The following ZBBX variants were observed in gnomAD, a reference collection of about 807,000 sequenced individuals.
The protein encoded by ZBBX is zinc finger B-box domain containing.
In ZBBX, 101 loss-of-function variants were observed where a neutral mutation model predicts 108.5. That is an observed-to-expected ratio of 0.93 (90% CI 0.79 to 1.10). The LOEUF (loss-of-function observed/expected upper bound fraction) is 1.10. Among genes scored for constraint, ZBBX ranks in the 50% least tolerant of loss-of-function variants. ZBBX has a pLI of 0.00. For missense variants in ZBBX, 1,009 were observed against 941.4 expected (o/e 1.07, Z -0.94); for synonymous variants, 356 against 323.4 (o/e 1.10, Z -1.08).
intron 1 of ZBBX, among the ~76,000 whole-genome samples, chr3:167,406,987 G>A (rs1467437999): frequency 5.3e-5 from 8 of 152,158 alleles, no homozygotes; most frequent in Non-Finnish European, 1.2e-4. Flanking sequence ...TAAGAACCAG[G>A]AGAACAGTCT....
intron 17 of ZBBX, among the ~76,000 whole-genome samples, 190 bp downstream of exon 17, chr3:167,305,453 A>G (rs1198902311): frequency 6.6e-6 from 1 of 152,052 alleles, no homozygotes; most frequent in Non-Finnish European, 1.5e-5. Flanking sequence ...CATTCCTCAT[A>G]TTAGAATTTG....
At chr3:167,383,248 C>G (rs1359091205), upstream of ZBBX, among the ~76,000 whole-genome samples, 1 of 152,002 alleles carries the variant, frequency 6.6e-6, no homozygotes, top group Non-Finnish European at 1.5e-5. Flanking sequence ...TTCAAGGTAG[C>G]AAAACCAAAT....
the ZBBX span, among the ~76,000 whole-genome samples, chr3:167,232,286 G>A: frequency 6.6e-6 from 1 of 151,796 alleles, no homozygotes; most frequent in Non-Finnish European, 1.5e-5. Flanking sequence ...GGAGAGCGAT[G>A]CTGTCAAAGA....
chr3:167,199,383 C>T, the ZBBX span, among the ~76,000 whole-genome samples: 1 of 152,094 alleles, frequency 6.6e-6, no homozygotes, highest in Non-Finnish European at 1.5e-5. Flanking sequence ...GACTCTCAGG[C>T]AAGTAATCAT....
chr3:167,233,970 TC>T, the ZBBX span, among the ~76,000 whole-genome samples: 1 of 151,760 alleles, frequency 6.6e-6, no homozygotes, highest in African/African-American at 2.4e-5. Flanking sequence ...TTATAAAGAA[TC>T]CCTTTATATA....
the ZBBX span, among the ~76,000 whole-genome samples, chr3:167,204,729 T>A: frequency 6.6e-6 from 1 of 151,926 alleles, no homozygotes; most frequent in Non-Finnish European, 1.5e-5. Context: ...TATAGCAGCA[T>A]GATTTATACT....
chr3:167,219,835 G>A, the ZBBX span, among the ~76,000 whole-genome samples: 2 of 151,722 alleles, frequency 1.3e-5, no homozygotes, highest in East Asian at 3.9e-4. Flanking sequence ...TTTATTAAAA[G>A]GTAAACAAAA....
intron 20 of ZBBX, among the ~76,000 whole-genome samples, chr3:167,243,512 C>A (rs1721040483): frequency 6.6e-6 from 1 of 152,000 alleles, no homozygotes; most frequent in Admixed American, 6.6e-5. Flanking sequence ...GATTCTCTTG[C>A]CTCAGCCTCC....
intron 9 of ZBBX, among the ~76,000 whole-genome samples, chr3:167,345,542 T>C (rs1741293663): frequency 6.6e-6 from 1 of 151,878 alleles, no homozygotes; most frequent in African/African-American, 2.4e-5. Flanking sequence ...GACTCTAAAA[T>C]CATGTGACTT....
At chr3:167,262,983 A>ATTTCT (rs1407342914) in intron 20 of ZBBX, among the ~76,000 whole-genome samples, 1 of 135,098 alleles carries the variant, frequency 7.4e-6, no homozygotes, top group Admixed American at 7.3e-5. Context: ...GATCATTAGT[A>ATTTCT]TTTCTTTTCT....
At chr3:167,299,474 C>T (rs1177945564) in intron 17 of ZBBX, among the ~76,000 whole-genome samples, 2 of 151,978 alleles carry the variant, frequency 1.3e-5, no homozygotes, top group African/African-American at 4.8e-5. Context: ...ATTATGCAAT[C>T]GCAAATCTGG....
intron 8 of ZBBX, among the ~76,000 whole-genome samples, chr3:167,350,969 CA>C (rs1164705339): frequency 2.6e-5 from 4 of 151,948 alleles, no homozygotes; most frequent in Admixed American, 2.6e-4. Flanking sequence ...TAATTAGTTT[CA>C]AGTGATATGC....
intron 8 of ZBBX, among the ~76,000 whole-genome samples, chr3:167,359,463 A>G (rs1159916560): frequency 2.0e-5 from 3 of 152,174 alleles, no homozygotes; most frequent in Admixed American, 6.6e-5. Flanking sequence ...ATAGAATATG[A>G]TGACAGCAAG....
chr3:167,190,548 T>C, the ZBBX span, among the ~76,000 whole-genome samples: 1 of 151,972 alleles, frequency 6.6e-6, no homozygotes, highest in Admixed American at 6.6e-5. Flanking sequence ...GCCCGGCTAA[T>C]TTTTTGTATT....
chr3:167,377,186 C>T (rs1747094346), intron 2 of ZBBX, among the ~76,000 whole-genome samples: 1 of 152,082 alleles, frequency 6.6e-6, no homozygotes, highest in Admixed American at 6.6e-5. Context: ...TTTGATGATC[C>T]TTCTACACAT....
intron 11 of ZBBX, among the ~76,000 whole-genome samples, chr3:167,325,545 C>T (rs1737219869): frequency 6.6e-6 from 1 of 152,144 alleles, no homozygotes; most frequent in Admixed American, 6.6e-5. Flanking sequence ...GATGGGGACA[C>T]AGCCAAACCA....
intron 19 of ZBBX, among the ~76,000 whole-genome samples, chr3:167,287,865 T>C (rs1286183875): frequency 6.6e-6 from 1 of 152,076 alleles, no homozygotes; most frequent in African/African-American, 2.4e-5. Flanking sequence ...ATTCTCAACA[T>C]AAATGCACAT....
chr3:167,319,396 G>A (rs1451719960), intron 12 of ZBBX, among the ~76,000 whole-genome samples: 1 of 151,994 alleles, frequency 6.6e-6, no homozygotes, highest in Non-Finnish European at 1.5e-5. Context: ...AAGCTCAAGG[G>A]AATGTGGTTG....
At chr3:167,214,951 A>C in the ZBBX span, among the ~76,000 whole-genome samples, 1 of 152,126 alleles carries the variant, frequency 6.6e-6, no homozygotes, top group African/African-American at 2.4e-5. Context: ...TGAGAACAAA[A>C]ATACATTTCA....
Sources: allele counts gnomAD v4.1 joint callset (sites outside exome capture counted in the v4.1 genomes callset), GRCh38; gene constraint gnomAD v4.1.1; transcripts MANE v1.5; gene names NCBI Gene and HGNC (gene_info 2026-07-23, HGNC 2026-07-21).